The following ANXA10 variants were observed in gnomAD, a reference collection of about 807,000 sequenced individuals.
ANXA10 encodes the protein annexin 14.
Under a neutral mutation model 53.5 loss-of-function variants are expected in ANXA10, and 49 were observed. The ratio of observed to expected loss-of-function variants is 0.92; its 90% confidence interval spans 0.73 to 1.16. The LOEUF (loss-of-function observed/expected upper bound fraction) is 1.16, where lower values mean the gene tolerates loss of function less well. Among genes scored for constraint, ANXA10 ranks in the 50% most tolerant of loss-of-function variants. The pLI is 0.00. For missense variants in ANXA10, 393 were observed against 394.4 expected, an observed-to-expected ratio of 1.00 and a Z score of 0.03; for synonymous variants, 131 against 128.9, an observed-to-expected ratio of 1.02 and a Z score of -0.11.
intron 3 of ANXA10, among the ~76,000 whole-genome samples, chr4:168,153,266 G>A (rs1165184496): frequency 4.6e-5 from 7 of 151,760 alleles, no homozygotes; most frequent in South Asian, 2.1e-4. Context: ...ATTGACAATC[G>A]GATATAGCAG....
intron 3 of ANXA10, among the ~76,000 whole-genome samples, chr4:168,159,512 C>T (rs952395355): frequency 6.6e-5 from 10 of 152,252 alleles, no homozygotes; most frequent in Admixed American, 2.0e-4. Context: ...AGTGATTCCA[C>T]CTGGGTCTAG....
At chr4:168,148,005 A>G (rs1731432462) in intron 3 of ANXA10, among the ~76,000 whole-genome samples, 1 of 152,152 alleles carries the variant, frequency 6.6e-6, no homozygotes, top group South Asian at 2.1e-4. Context: ...TGAATTTCCA[A>G]TGGTTTTGGC....
rs1215117833 is a variant in ANXA10, at chr4:168,117,046, C to A, written c.19-11038C>A. On this transcript the variant is annotated intron_variant, in intron 1 of 11. Transcript: ENST00000359299. ...TATTAACAGCTTTATTAATCTGTAT[C>A]TCATTAGTCTTAGCCTTGGCTAATT... Among the ~76,000 whole-genome samples the A allele has an allele frequency of 4.6e-5, 7 of 151,742 alleles. 1 individual carries two copies. The highest frequency in any genetic ancestry group is 3.9e-4 in the Admixed American group (6 of 15,220).
intron 3 of ANXA10, among the ~76,000 whole-genome samples, chr4:168,155,477 T>A (rs558788627): frequency 7.2e-3 from 104 of 14,462 alleles, no homozygotes; most frequent in Non-Finnish European, 8.2e-3. Context: ...TAATTATAAA[T>A]TATATATTAT....
At chr4:168,146,035 A>G (rs1731401127) in intron 3 of ANXA10, among the ~76,000 whole-genome samples, 1 of 151,840 alleles carries the variant, frequency 6.6e-6, no homozygotes, top group Non-Finnish European at 1.5e-5. Context: ...CAGCCTCCTG[A>G]GTAGCTGGGA....
Position 168,186,436 on chromosome 4 carries a change from G to A in ANXA10, c.907-930G>A, listed in dbSNP as rs1732371587. On this transcript the variant is annotated intron_variant, in intron 11 of 11. Transcript: ENST00000359299. ...AAAGAAGTGATGATACTAGGAGGTGGGGTCTTTGTGAGGTGATTAGGTCAT... is the reference window on the plus strand; with the variant it reads ...AAAGAAGTGATGATACTAGGAGGTGAGGTCTTTGTGAGGTGATTAGGTCAT... 2.6e-5 allele frequency among the ~76,000 whole-genome samples: 4 copies of A among 152,146 alleles called. No homozygotes were observed. The South Asian group carries it at 8.3e-4, about 32-fold the overall frequency.
intron 2 of ANXA10, among the ~76,000 whole-genome samples, chr4:168,129,215 C>A (rs1170821332): frequency 6.6e-6 from 1 of 151,954 alleles, no homozygotes; most frequent in Non-Finnish European, 1.5e-5. Flanking sequence ...TAGCAGTATC[C>A]CATAGGAAAA....
intron 1 of ANXA10, among the ~76,000 whole-genome samples, chr4:168,120,446 T>G (rs1312186093): frequency 6.6e-6 from 1 of 152,016 alleles, no homozygotes; most frequent in African/African-American, 2.4e-5. Context: ...ATATTAACAC[T>G]TCAGGAACAA....
chr4:168,095,188 C>T (rs1418916514), intron 1 of ANXA10, among the ~76,000 whole-genome samples: 1 of 151,936 alleles, frequency 6.6e-6, no homozygotes, highest in Non-Finnish European at 1.5e-5. Context: ...TTAGAATACA[C>T]CTGCCTCTTT....
intron 6 of ANXA10, among the ~76,000 whole-genome samples, chr4:168,171,091 G>GT (rs1731976302): frequency 6.6e-6 from 1 of 152,136 alleles, no homozygotes; most frequent in African/African-American, 2.4e-5. Context: ...AAGATATAAA[G>GT]TGAATAATGG....
rs572057426 is a variant in ANXA10 at position 168,137,110 on chromosome 4, G to T, written c.101-2376G>T. On this transcript the variant is annotated intron_variant, in intron 2 of 11. Transcript: ENST00000359299. ...GCAGAGAGCAGTGTCCCACAGTTGT[G>T]CAGGGTAGCCAGGCAGGGATCTAAA... Among the ~76,000 whole-genome samples the T allele has an allele frequency of 3.3e-3, 500 of 152,272 alleles. 4 individuals carry two copies. Among genetic ancestry groups the T allele is most frequent in the African/African-American group, 0.011 (469 of 41,558 alleles).
chr4:168,184,363 G>T (rs1352451657), intron 10 of ANXA10, among the ~76,000 whole-genome samples, 196 bp from the exon 11 acceptor site: 1 of 152,216 alleles, frequency 6.6e-6, no homozygotes, highest in African/African-American at 2.4e-5. Flanking sequence ...TTCACTGTCA[G>T]CATGCGGTAA....
intron 4 of ANXA10, among the ~76,000 whole-genome samples, chr4:168,163,170 A>T (rs1012288409): frequency 1.3e-5 from 2 of 152,148 alleles, no homozygotes; most frequent in Non-Finnish European, 2.9e-5. Context: ...ATTTGGAAGA[A>T]TTAGAATCAG....
intron 1 of ANXA10, among the ~76,000 whole-genome samples, chr4:168,105,659 T>C (rs1730709293): frequency 1.3e-5 from 2 of 152,160 alleles, no homozygotes; most frequent in African/African-American, 2.4e-5. Context: ...GGTCAAATAA[T>C]AGTTCTGTTT....
chr4:168,171,650 T>C (rs1731991152), intron 6 of ANXA10, among the ~76,000 whole-genome samples: 1 of 152,188 alleles, frequency 6.6e-6, no homozygotes, highest in South Asian at 2.1e-4. Context: ...CTATAAAGTG[T>C]TTCCTGACAG....
rs113813144 is a variant in ANXA10, at chr4:168,124,898, T to C, written c.19-3186T>C. Reference sequence around the variant, plus strand: ...GATCTACTTGGCAGCTTATCAGATATAACTCAAAGAAAAATTGGCAAAGGT... The same window carrying C: ...GATCTACTTGGCAGCTTATCAGATACAACTCAAAGAAAAATTGGCAAAGGT... On this transcript the variant is annotated intron_variant, in intron 1 of 11. Transcript: ENST00000359299. Among the ~76,000 whole-genome samples the C allele has an allele frequency of 4.7e-3, 716 of 152,264 alleles. 6 individuals are homozygous for C. The highest frequency in any genetic ancestry group is 0.016 in the African/African-American group (664 of 41,554).
At chr4:168,168,918 G>C (rs1020184383) in intron 6 of ANXA10, among the ~76,000 whole-genome samples, 1 of 152,150 alleles carries the variant, frequency 6.6e-6, no homozygotes, top group Non-Finnish European at 1.5e-5. Context: ...TTTTGGTTTG[G>C]TTTAGTTTAA....
At position 168,092,585 on chromosome 4, in the gene ANXA10, G is replaced by C; in HGVS notation, c.-116G>C. ...CTTGCCTGAGTCTGAGGTGAACAGT[G>C]AACATATTTACATTTGATTTAACAG... On this transcript the variant is annotated 5_prime_UTR_variant, in exon 1 of 12. Coordinates refer to ENST00000359299, the MANE Select transcript of ANXA10 (RefSeq NM_007193.5). 1 of 1,047,298 alleles carries C rather than the reference G, an allele frequency of 9.5e-7. No individual in the cohort carries two copies. Among genetic ancestry groups the C allele is most frequent in the Non-Finnish European group, 1.4e-6 (1 of 703,132 alleles). 64.9% of individuals were successfully genotyped at this position (1,047,298 alleles called of 1,614,324 possible). A position where few individuals can be genotyped will look rare whatever the true frequency, so the allele number is the denominator to read the frequency against.
chr4:168,162,560 GGATCACTTCAAAGATGT>G lies in ANXA10; in HGVS notation c.232_248del (p.His78GlyfsTer11). On this transcript the variant is annotated frameshift_variant, in exon 4 of 12. Transcript: ENST00000359299. LOFTEE classifies it high-confidence loss of function. Reference sequence around the variant, plus strand: ...TTGGGGATATGAGGGAGCAGCTTTCGGATCACTTCAAAGATGTGATGGCTGGCCTCATGTACCCACCA... The same window carrying G: ...TTGGGGATATGAGGGAGCAGCTTTCGGATGGCTGGCCTCATGTACCCACCA... The G allele has an allele frequency of 6.2e-7, 1 of 1,613,732 alleles. No individual in the cohort carries two copies. The highest frequency in any genetic ancestry group is 8.5e-7 in the Non-Finnish European group (1 of 1,179,842).
Sources: gnomAD v4.1 joint callset for allele counts (sites outside exome capture counted in the v4.1 genomes callset) on GRCh38, gnomAD v4.1.1 for gene constraint, MANE v1.5 for transcripts, NCBI Gene and HGNC (gene_info 2026-07-23, HGNC 2026-07-21) for gene names.